The following FSTL4 variants were observed in gnomAD, a reference collection of about 807,000 sequenced individuals.
FSTL4 encodes follistatin-related protein 4.
A neutral mutation model predicts 78.2 loss-of-function variants in FSTL4; 28 were observed. That is an observed-to-expected ratio of 0.36 (90% CI 0.27 to 0.49). The LOEUF (loss-of-function observed/expected upper bound fraction) is 0.49. Among genes scored for constraint, FSTL4 ranks in the 20% least tolerant of loss-of-function variants. The pLI is 0.98. For synonymous variants in FSTL4, 422 were observed against 440.5 expected (o/e 0.96, Z 0.53); for missense variants, 922 against 1,084.9 (o/e 0.85, Z 2.11).
the FSTL4 span, among the ~76,000 whole-genome samples, chr5:133,701,040 A>C: frequency 6.6e-6 from 1 of 152,188 alleles, no homozygotes; most frequent in Non-Finnish European, 1.5e-5. Context: ...TGTCTTTATC[A>C]TAATTTTGAC....
the FSTL4 span, among the ~76,000 whole-genome samples, chr5:133,761,632 ACAG>A: frequency 6.6e-6 from 1 of 152,194 alleles, no homozygotes; most frequent in Admixed American, 6.5e-5. Flanking sequence ...CAAGATTGAC[ACAG>A]CAGCCCCTCA....
At chr5:133,300,596 G>A (rs1753513032) in intron 6 of FSTL4, among the ~76,000 whole-genome samples, 2 of 152,144 alleles carry the variant, frequency 1.3e-5, no homozygotes. Flanking sequence ...GCAATTTACC[G>A]AGGGATGGGT....
At chr5:133,245,905 G>A (rs1239798912) in intron 7 of FSTL4, among the ~76,000 whole-genome samples, 4 of 152,180 alleles carry the variant, frequency 2.6e-5, no homozygotes, top group Non-Finnish European at 5.9e-5. Flanking sequence ...AATTACATGT[G>A]TCATTAGAAT....
intron 3 of FSTL4, among the ~76,000 whole-genome samples, chr5:133,470,303 G>A (rs1757793640): frequency 6.6e-6 from 1 of 152,180 alleles, no homozygotes; most frequent in Admixed American, 6.5e-5. Flanking sequence ...AACCCAAACA[G>A]AGATAATCCA....
the FSTL4 span, among the ~76,000 whole-genome samples, chr5:133,713,007 A>G: frequency 6.6e-6 from 1 of 152,200 alleles, no homozygotes; most frequent in Non-Finnish European, 1.5e-5. Flanking sequence ...TCTTGACAGC[A>G]TAACCAAATC....
chr5:133,214,144 G>C (rs1200308222), intron 13 of FSTL4, among the ~76,000 whole-genome samples: 1 of 152,160 alleles, frequency 6.6e-6, no homozygotes, highest in Non-Finnish European at 1.5e-5. Context: ...AATCACCAAG[G>C]ATAGATCTGA....
At chr5:133,823,515 A>C in the FSTL4 span, among the ~76,000 whole-genome samples, 4 of 152,116 alleles carry the variant, frequency 2.6e-5, no homozygotes, top group Non-Finnish European at 5.9e-5. Flanking sequence ...ATCTCACTGG[A>C]AGCCAGATCC....
intron 14 of FSTL4, among the ~76,000 whole-genome samples, chr5:133,209,018 T>C (rs906826040): frequency 6.6e-6 from 1 of 152,202 alleles, no homozygotes; most frequent in Admixed American, 6.5e-5. Flanking sequence ...TTTTTTGTTC[T>C]TTTTCTAGTG....
chr5:133,644,888 G>A, the FSTL4 span, among the ~76,000 whole-genome samples: 1 of 152,044 alleles, frequency 6.6e-6, no homozygotes, highest in Admixed American at 6.6e-5. Flanking sequence ...AACAGATTGG[G>A]TATTACTTCA....
intron 8 of FSTL4, among the ~76,000 whole-genome samples, chr5:133,230,474 A>G (rs960754346): frequency 6.6e-6 from 1 of 152,226 alleles, no homozygotes; most frequent in Non-Finnish European, 1.5e-5. Context: ...TCCCTTAAAA[A>G]TACATGACTA....
chr5:133,415,382 T>A lies in FSTL4; in HGVS notation c.161-14396A>T, dbSNP rs533983836. Among the ~76,000 whole-genome samples the A allele has an allele frequency of 1.6e-4, 25 of 152,320 alleles. No homozygotes were observed. The East Asian group carries it at 3.7e-3, about 22-fold the overall frequency. On this transcript the variant is annotated intron_variant, in intron 3 of 15. Coordinates refer to ENST00000265342, the MANE Select transcript of FSTL4 (RefSeq NM_015082.2). ...AGTACTGGCTCAGTCTTACTTATGG[T>A]GGCAAAATTAGACAATCTTAAAAAT...
the FSTL4 span, among the ~76,000 whole-genome samples, chr5:133,687,990 G>T: frequency 6.6e-6 from 1 of 152,252 alleles, no homozygotes; most frequent in East Asian, 1.9e-4. Context: ...GGGGGAAATA[G>T]AAGGCAGACC....
chr5:133,351,969 T>C (rs1224249661), intron 4 of FSTL4, among the ~76,000 whole-genome samples: 1 of 67,642 alleles, frequency 1.5e-5, no homozygotes, highest in East Asian at 4.9e-4. Context: ...AGTATGGCTC[T>C]TTTTTTTATT....
chr5:133,479,887 T>A (rs1290598074), intron 3 of FSTL4, among the ~76,000 whole-genome samples: 1 of 151,158 alleles, frequency 6.6e-6, no homozygotes, highest in Non-Finnish European at 1.5e-5. Flanking sequence ...ACTATGTTAA[T>A]GCCATGAGTT....
chr5:133,736,476 A>G, the FSTL4 span, among the ~76,000 whole-genome samples: 3 of 152,160 alleles, frequency 2.0e-5, no homozygotes, highest in Admixed American at 1.3e-4. Context: ...TAAAGCCACA[A>G]CCTTGATTCT....
intron 6 of FSTL4, among the ~76,000 whole-genome samples, chr5:133,286,030 C>G (rs1253712300): frequency 6.6e-6 from 1 of 152,244 alleles, no homozygotes; most frequent in Non-Finnish European, 1.5e-5. Context: ...ACAGCAGAAT[C>G]TGACCTGCCC....
At chr5:133,207,167 C>CTTGT (rs1482550056) in intron 14 of FSTL4, among the ~76,000 whole-genome samples, 6 of 151,942 alleles carry the variant, frequency 3.9e-5, no homozygotes, top group Non-Finnish European at 7.4e-5. Flanking sequence ...AACCAAACTT[C>CTTGT]TTGTTTATAT....
At position 133,301,819 on chromosome 5, in the gene FSTL4, G is replaced by C. The variant is rs570983545; in HGVS notation, c.727+10835C>G. ...GGGGAGTGGGGCACGGGATGGGACT[G>C]TTGCTGCAGTGTTGGAATTCTAGTG... On this transcript the variant is annotated intron_variant, in intron 6 of 15. Transcript: ENST00000265342. Among the ~76,000 whole-genome samples, 11 of 152,238 alleles carry C rather than the reference G, an allele frequency of 7.2e-5. No homozygotes were observed. The East Asian group carries it at 1.9e-3, about 27-fold the overall frequency.
chr5:133,589,189 T>C (rs1266727902), intron 2 of FSTL4, among the ~76,000 whole-genome samples: 1 of 61,212 alleles, frequency 1.6e-5, no homozygotes, highest in African/African-American at 5.3e-5. Context: ...TAATGCTAGA[T>C]GACACGTTAG....
Sources: gnomAD v4.1 joint callset for allele counts (sites outside exome capture counted in the v4.1 genomes callset) on GRCh38, gnomAD v4.1.1 for gene constraint, MANE v1.5 for transcripts, NCBI Gene and HGNC (gene_info 2026-07-23, HGNC 2026-07-21) for gene names.